MBIP: variants seen among roughly 807,000 people sequenced by gnomAD.
The protein encoded by MBIP is MAP3K12 binding inhibitory protein 1.
In MBIP, 32 loss-of-function variants were observed where a neutral mutation model predicts 45.7. That is an observed-to-expected ratio of 0.70 (90% confidence interval 0.53 to 0.94). The LOEUF is 0.94. MBIP is among the 40% of genes least tolerant of loss of function. MBIP has a pLI of 0.00. For missense variants in MBIP, 381 were observed against 405.5 expected, an observed-to-expected ratio of 0.94 and a Z score of 0.52; for synonymous variants, 145 against 141.0, an observed-to-expected ratio of 1.03 and a Z score of -0.20.
Position 36,311,561 on chromosome 14 carries a change from C to T in MBIP, c.790+12G>A. The T allele has an allele frequency of 2.5e-6, 4 of 1,596,748 alleles. No homozygotes were observed. The highest frequency in any genetic ancestry group is 3.4e-6 in the Non-Finnish European group (4 of 1,170,794). On this transcript the variant is annotated intron_variant, in intron 6 of 8. Coordinates refer to ENST00000416007, the MANE Select transcript of MBIP (RefSeq NM_016586.3). ...AGGTTCATTATGAGGTGCCACTTAGCACTTTGCTTACCTGTCTGTAACCGC... is the reference window on the plus strand; with the variant it reads ...AGGTTCATTATGAGGTGCCACTTAGTACTTTGCTTACCTGTCTGTAACCGC...
Position 36,308,075 on chromosome 14 carries a change from AAG to A in MBIP, c.888+15_888+16del. On this transcript the variant is annotated intron_variant, in intron 7 of 8. Transcript: ENST00000416007. Reference sequence around the variant, plus strand: ...CAATAACATTTTCATTTATTTTTAAAAGACACTTATACTCACTACAGACTGAA... The same window carrying A: ...CAATAACATTTTCATTTATTTTTAAAACACTTATACTCACTACAGACTGAA... The A allele has an allele frequency of 2.3e-6, 3 of 1,307,076 alleles. No homozygotes were observed. The South Asian group carries it at 3.8e-5, about 16-fold the overall frequency. 81.0% of individuals were successfully genotyped at this position (1,307,076 alleles called of 1,614,324 possible). A position where few individuals can be genotyped will look rare whatever the true frequency, so the allele number is the denominator to read the frequency against.
At chr14:36,308,241 C>T (rs776097170) in intron 6 of MBIP, 52 bp from the exon 7 acceptor site, 2 of 892,916 alleles carry the variant, frequency 2.2e-6, no homozygotes, top group Non-Finnish European at 3.5e-6. Context: ...TCTTTCTTTT[C>T]ACAATTTTTA....
chr14:36,316,601 T>C (rs1406597030), intron 2 of MBIP, 92 bp downstream of exon 2: 8 of 1,121,468 alleles, frequency 7.1e-6, no homozygotes, highest in East Asian at 4.8e-5. Context: ...ACTATTAATA[T>C]AGTGTTTAGA....
chr14:36,311,315 C>T (rs1880190513), intron 6 of MBIP, among the ~76,000 whole-genome samples: 1 of 151,830 alleles, frequency 6.6e-6, no homozygotes, highest in African/African-American at 2.4e-5. Flanking sequence ...AGAGTTGTCA[C>T]TTAGTATCTT....
At chr14:36,309,773 A>G (rs1398219947) in intron 6 of MBIP, among the ~76,000 whole-genome samples, 1 of 152,156 alleles carries the variant, frequency 6.6e-6, no homozygotes, top group East Asian at 1.9e-4. Flanking sequence ...TCATTCGCAT[A>G]AAGGCTCCTT....
intron 6 of MBIP, 27 bp downstream of exon 6, chr14:36,311,546 T>A (rs764323606): frequency 3.2e-6 from 5 of 1,568,880 alleles, no homozygotes; most frequent in South Asian, 1.2e-5. Context: ...AGGTTCATTA[T>A]GAGGTGCCAC....
chr14:36,320,086 G>A (rs1566558476), intron 1 of MBIP, among the ~76,000 whole-genome samples: 1 of 151,614 alleles, frequency 6.6e-6, no homozygotes, highest in Non-Finnish European at 1.5e-5. Flanking sequence ...CAGGCCTACT[G>A]ACCAACCAAT....
chr14:36,305,756 C>T (rs759463724), intron 7 of MBIP, among the ~76,000 whole-genome samples: 1 of 152,148 alleles, frequency 6.6e-6, no homozygotes, highest in Admixed American at 6.5e-5. Context: ...ACATTTCCCA[C>T]AAAAGTATCT....
chr14:36,299,299 A>G (rs553147316), intron 8 of MBIP, 109 bp from the exon 9 acceptor site: 1 of 740,700 alleles, frequency 1.4e-6, no homozygotes, highest in African/African-American at 1.8e-5. Flanking sequence ...GCATGATCAA[A>G]TGGTTTTTTT....
At position 36,312,046 on chromosome 14, in the gene MBIP, A is replaced by G. The variant is rs200289229; in HGVS notation, c.572-22T>C. On this transcript the variant is annotated intron_variant, in intron 4 of 8. Transcript: ENST00000416007. ...TTTTCTAAGGAGAATTTAGATAAAT[A>G]TAAGTTTAAATATATTCTTCCCTTC... The G allele has an allele frequency of 5.8e-5, 78 of 1,355,430 alleles. No homozygotes were observed. The Admixed American group carries it at 7.6e-4, about 13-fold the overall frequency. The allele number at this position is 1,355,430 out of a possible 1,614,324, so 84.0% of individuals were successfully genotyped here. A position where few individuals can be genotyped will look rare whatever the true frequency, so the allele number is the denominator to read the frequency against.
chr14:36,311,733 A>C lies in MBIP; in HGVS notation c.638-8T>G, dbSNP rs1360721437. 6.3e-7 allele frequency: 1 copy of C among 1,585,066 alleles called. No individual in the cohort carries two copies. The highest frequency in any genetic ancestry group is 1.9e-5 in the Admixed American group (1 of 54,018). On this transcript the variant is annotated splice_polypyrimidine_tract_variant and splice_region_variant and intron_variant, in intron 5 of 8. Transcript: ENST00000416007. ...TATTCACAACTCTAGAAACTAAATT[A>C]AGAAACTTTTGAGCCTATATACATT...
chr14:36,318,580 T>G (rs1173106751), intron 1 of MBIP, among the ~76,000 whole-genome samples: 1 of 151,924 alleles, frequency 6.6e-6, no homozygotes, highest in Non-Finnish European at 1.5e-5. Flanking sequence ...AGTAAAAACT[T>G]TACTAAATTA....
chr14:36,316,336 C>A (rs957061160), intron 2 of MBIP, among the ~76,000 whole-genome samples: 16 of 152,086 alleles, frequency 1.1e-4, no homozygotes, highest in African/African-American at 3.9e-4. Context: ...ACTCCATGAG[C>A]CTCCAAACTC....
intron 6 of MBIP, among the ~76,000 whole-genome samples, chr14:36,310,022 TA>T (rs1880108365): frequency 6.6e-6 from 1 of 152,248 alleles, no homozygotes; most frequent in East Asian, 1.9e-4. Context: ...ACTATGATTA[TA>T]TCATCTCAGT....
chr14:36,303,821 TAA>T (rs1475593415), intron 7 of MBIP, among the ~76,000 whole-genome samples: 6 of 152,176 alleles, frequency 3.9e-5, no homozygotes, highest in African/African-American at 1.4e-4. Flanking sequence ...GTGCAGTATC[TAA>T]AATGTTTTTC....
chr14:36,319,148 T>G (rs567568661), intron 1 of MBIP, among the ~76,000 whole-genome samples: 7 of 152,296 alleles, frequency 4.6e-5, no homozygotes, highest in African/African-American at 1.7e-4. Flanking sequence ...AATGTTTAAA[T>G]CATTGCTCAG....
At chr14:36,304,134 C>T (rs1339959494) in intron 7 of MBIP, among the ~76,000 whole-genome samples, 1 of 152,224 alleles carries the variant, frequency 6.6e-6, no homozygotes, top group Non-Finnish European at 1.5e-5. Flanking sequence ...CACACGTTCA[C>T]ACGCACATGG....
chr14:36,298,969 C>A lies in MBIP; in HGVS notation c.*114G>T. 1.5e-6 allele frequency: 1 copy of A among 675,424 alleles called. No homozygotes were observed. Among genetic ancestry groups the A allele is most frequent in the Non-Finnish European group, 2.5e-6 (1 of 403,078 alleles). 41.8% of individuals were successfully genotyped at this position (675,424 alleles called of 1,614,324 possible). ...CAAGCTGGACTCATGTGAAAATAAACCTTGACTTCACAGAGAAGTCTACAT... is the reference window on the plus strand; with the variant it reads ...CAAGCTGGACTCATGTGAAAATAAAACTTGACTTCACAGAGAAGTCTACAT... On this transcript the variant is annotated 3_prime_UTR_variant, in exon 9 of 9. Transcript: ENST00000416007.
chr14:36,318,849 C>G (rs1880723819), intron 1 of MBIP, among the ~76,000 whole-genome samples: 1 of 151,920 alleles, frequency 6.6e-6, no homozygotes, highest in Non-Finnish European at 1.5e-5. Flanking sequence ...ACTGATTTCT[C>G]TGGGGGCAAT....
Sources: gnomAD v4.1 joint callset for allele counts (sites outside exome capture counted in the v4.1 genomes callset) on GRCh38, gnomAD v4.1.1 for gene constraint, MANE v1.5 for transcripts, NCBI Gene and HGNC (gene_info 2026-07-23, HGNC 2026-07-21) for gene names.